Variants in PCDHGC3 observed in about 807,000 individuals in gnomAD.
PCDHGC3 encodes protocadherin gamma-C3.
In PCDHGC3, 26 loss-of-function variants were observed where a neutral mutation model predicts 59.2. The ratio of observed to expected loss-of-function variants is 0.44; its 90% confidence interval spans 0.32 to 0.61. PCDHGC3 has a LOEUF of 0.61. Ranked by LOEUF, PCDHGC3 falls within the 20% of genes least tolerant of loss-of-function variation. The pLI, the probability that PCDHGC3 is intolerant of heterozygous loss-of-function variation, is 0.05. For synonymous variants in PCDHGC3, 487 were observed against 519.7 expected (o/e 0.94, Z 0.86); for missense variants, 1,080 against 1,221.8 (o/e 0.88, Z 1.73).
In PCDHGC3 at chr5:141,501,176, T is replaced by C. The variant is rs917315609; in HGVS notation, c.2490-4217T>C. ...GCCACCATCCCCAGCCTCATTTACA[T>C]TTTAACACAATTAAATTCAGGGTGT... On this transcript the variant is annotated intron_variant, in intron 2 of 3. Coordinates refer to ENST00000308177, the MANE Select transcript of PCDHGC3 (RefSeq NM_002588.4). Among the ~76,000 whole-genome samples, 16 of 152,244 alleles carry C rather than the reference T, an allele frequency of 1.1e-4. No homozygotes were observed. In the South Asian group the frequency reaches 3.3e-3, roughly 32 times the overall value.
At chr5:141,478,574 C>T (rs2099465133) in intron 1 of PCDHGC3, 28 bp downstream of exon 1, 1 of 1,586,288 alleles carries the variant, frequency 6.3e-7, no homozygotes, top group Non-Finnish European at 8.6e-7. Flanking sequence ...ATGCTTGACC[C>T]TGTTAGTGCT....
chr5:141,502,866 C>CTT (rs549047197), intron 2 of PCDHGC3, among the ~76,000 whole-genome samples: 3 of 128,046 alleles, frequency 2.3e-5, no homozygotes, highest in Non-Finnish European at 3.2e-5. Flanking sequence ...GACTCTCTGT[C>CTT]TTTTTTTTTT....
At chr5:141,501,319 A>G (rs2099807834) in intron 2 of PCDHGC3, among the ~76,000 whole-genome samples, 1 of 151,710 alleles carries the variant, frequency 6.6e-6, no homozygotes, top group Non-Finnish European at 1.5e-5. Context: ...ACACACACAC[A>G]CACACACACA....
At position 141,489,072 on chromosome 5, in the gene PCDHGC3, A is replaced by AC; in HGVS notation, c.2431-5730dup. The AC allele has an allele frequency of 1.3e-5, 2 of 157,710 alleles. No homozygotes were observed. Among genetic ancestry groups the AC allele is most frequent in the Non-Finnish European group, 1.2e-5 (1 of 83,996 alleles). 9.8% of individuals were successfully genotyped at this position (157,710 alleles called of 1,614,324 possible). A position where few individuals can be genotyped will look rare whatever the true frequency, so the allele number is the denominator to read the frequency against. On this transcript the variant is annotated intron_variant, in intron 1 of 3. Transcript: ENST00000308177. This position sits in a 1 kb window ranked among gnomAD's most constrained non-coding sequence, Gnocchi z 4.5. The stretch of plus-strand genomic sequence containing the variant: ...AATTCAGCTCCCCTCCCCCCTGCCC[A>AC]CCCCCGCCACTCGGTGACTAAGAAC...
chr5:141,496,795 T>C (rs886559302), intron 2 of PCDHGC3, among the ~76,000 whole-genome samples: 27 of 151,976 alleles, frequency 1.8e-4, no homozygotes, highest in Middle Eastern at 3.4e-3. Flanking sequence ...GTGCTAAACA[T>C]TGGGCTATAG....
rs756915110 is a variant in PCDHGC3, at chr5:141,490,431, T to C, written c.2431-4376T>C. 6 of 1,614,036 alleles carry C rather than the reference T, an allele frequency of 3.7e-6. No individual in the cohort carries two copies. In the South Asian group the frequency reaches 6.6e-5, roughly 18 times the overall value. ...TCTCTCCGGACCTGCCATTTCAGATTAAGCCTTCTGAGAACCACTACTCGC... is the reference window on the plus strand; with the variant it reads ...TCTCTCCGGACCTGCCATTTCAGATCAAGCCTTCTGAGAACCACTACTCGC... On this transcript the variant is annotated intron_variant, in intron 1 of 3. Transcript: ENST00000308177. The surrounding 1 kb of genome is among the most constrained non-coding windows in gnomAD (Gnocchi z 5.4).
intron 2 of PCDHGC3, among the ~76,000 whole-genome samples, chr5:141,495,758 C>T (rs2099763543): frequency 6.6e-6 from 1 of 152,122 alleles, no homozygotes; most frequent in Non-Finnish European, 1.5e-5. Flanking sequence ...ATCTCTGCCT[C>T]CCTGTCCTTG....
chr5:141,476,421 C>G lies in PCDHGC3; in HGVS notation c.305C>G (p.Pro102Arg). 1 of 1,614,026 alleles carries G rather than the reference C, an allele frequency of 6.2e-7. No homozygotes were observed. Among genetic ancestry groups the G allele is most frequent in the South Asian group, 1.1e-5 (1 of 91,066 alleles). The change falls in exon 1 of 4, where the codon CCC becomes CGC. Residue 102 changes from proline (P) to arginine (R), a missense_variant. Pro to Arg is a moderately radical substitution (Grantham distance 103, BLOSUM62 -2). Transcript: ENST00000308177. The surrounding 1 kb of genome is among the most constrained non-coding windows in gnomAD (Gnocchi z 7.6). ...LDREELCGTLPSCTVTLELVV... is the reference protein window; with the variant it reads ...LDREELCGTLRSCTVTLELVV... ...CGAGAGGAGCTGTGTGGGACACTGC[C>G]CTCTTGCACTGTAACTCTGGAGTTG...
At position 141,476,477 on chromosome 5, in the gene PCDHGC3, G is replaced by A; in HGVS notation, c.361G>A (p.Val121Met). 1.2e-6 allele frequency: 2 copies of A among 1,614,078 alleles called. No individual in the cohort carries two copies. Among genetic ancestry groups the A allele is most frequent in the South Asian group, 1.1e-5 (1 of 91,070 alleles). ...GGAGAACCCGCTGGAGCTGTTCAGC[G>A]TGGAAGTGGTGATCCAGGACATCAA... ...VVENPLELFS[V>M]EVVIQDINDN... The change falls in exon 1 of 4, where the codon GTG becomes ATG. Residue 121 changes from valine (V) to methionine (M), a missense_variant. By Grantham distance (21) the Val-to-Met change is conservative. Transcript: ENST00000308177. This position sits in a 1 kb window ranked among gnomAD's most constrained non-coding sequence, Gnocchi z 7.6.
At position 141,485,320 on chromosome 5, in the gene PCDHGC3, T is replaced by G; in HGVS notation, c.2430+6774T>G. The G allele has an allele frequency of 6.2e-7, 1 of 1,614,114 alleles. No individual in the cohort carries two copies. The highest frequency in any genetic ancestry group is 8.5e-7 in the Non-Finnish European group (1 of 1,180,018). ...AAGGGACTTTTGTAGGGAATGTCGC[T>G]CAAGATTTCCTGCTGGATACGGACA... is the stretch of plus-strand genomic sequence containing the variant. On this transcript the variant is annotated intron_variant, in intron 1 of 3. Transcript: ENST00000308177. The surrounding 1 kb of genome is among the most constrained non-coding windows in gnomAD (Gnocchi z 5.7).
In PCDHGC3 at chr5:141,477,877, C is replaced by A; in HGVS notation, c.1761C>A (p.Gly587=). 1 of 1,614,170 alleles carries A rather than the reference C, an allele frequency of 6.2e-7. No homozygotes were observed. The highest frequency in any genetic ancestry group is 8.5e-7 in the Non-Finnish European group (1 of 1,180,036). Residue 587 remains glycine, a synonymous_variant, in exon 1 of 4, where the codon GGC becomes GGA. Transcript: ENST00000308177. This position sits in a 1 kb window ranked among gnomAD's most constrained non-coding sequence, Gnocchi z 4.9. The part of the protein sequence containing the change: ...VEMLPRGTSA[G]HLVSRVVGWD... The stretch of plus-strand genomic sequence containing the variant: ...TGCTGCCTCGAGGTACCTCAGCTGG[C>A]CACCTAGTGTCACGGGTGGTAGGCT...
In PCDHGC3 at chr5:141,493,233, G is replaced by T. The variant is rs1335823475; in HGVS notation, c.2431-1574G>T. ...TTTGCTCTTCCCACCATTGCTGTTG[G>T]CTAGGTACTAACATGCCTCTCTTAT... is the stretch of plus-strand genomic sequence containing the variant. On this transcript the variant is annotated intron_variant, in intron 1 of 3. Coordinates refer to ENST00000308177, the MANE Select transcript of PCDHGC3 (RefSeq NM_002588.4). This position sits in a 1 kb window ranked among gnomAD's most constrained non-coding sequence, Gnocchi z 4.3. 6.6e-6 allele frequency among the ~76,000 whole-genome samples: 1 copy of T among 152,172 alleles called. No homozygotes were observed. The highest frequency in any genetic ancestry group is 2.1e-4 in the South Asian group (1 of 4,828).
Position 141,478,545 on chromosome 5 carries a change from A to T in PCDHGC3, c.2429A>T (p.Gln810Leu). 1 of 1,605,606 alleles carries T rather than the reference A, an allele frequency of 6.2e-7. No homozygotes were observed. Among genetic ancestry groups the T allele is most frequent in the Admixed American group, 1.7e-5 (1 of 57,956 alleles). ...VLGAESAPPG[Q>L]QAPPNTDWRF... ...GGTGCAGAGAGCGCCCCTCCCGGAC[A>T]GGTAAGGTTTAGCAAGTCATGCTTG... is the stretch of plus-strand genomic sequence containing the variant. Residue 810 changes from glutamine (Q) to leucine (L), a missense_variant and splice_region_variant, in exon 1 of 4, where the codon CAG becomes CTG. Transcript: ENST00000308177.
intron 2 of PCDHGC3, among the ~76,000 whole-genome samples, chr5:141,501,015 C>T (rs950216755): frequency 6.6e-5 from 10 of 151,866 alleles, no homozygotes; most frequent in African/African-American, 2.4e-4. Context: ...ACTACAGGCA[C>T]GCGCCACCAC....
In PCDHGC3 at chr5:141,487,636, AC is replaced by A. The variant is rs1562120737; in HGVS notation, c.2431-7170del. On this transcript the variant is annotated intron_variant, in intron 1 of 3. Coordinates refer to ENST00000308177, the MANE Select transcript of PCDHGC3 (RefSeq NM_002588.4). The surrounding 1 kb of genome is among the most constrained non-coding windows in gnomAD (Gnocchi z 5.0). ...TAGAGGTGAGACCTTTGCAGGCTCA[AC>A]AAATGCTTGAGGGTTATTCTGATCC... 1 of 1,614,192 alleles carries A rather than the reference AC, an allele frequency of 6.2e-7. No individual in the cohort carries two copies. The highest frequency in any genetic ancestry group is 2.2e-5 in the East Asian group (1 of 44,886).
intron 1 of PCDHGC3, 148 bp downstream of exon 1, chr5:141,478,694 T>G: frequency 1.3e-6 from 2 of 1,550,598 alleles, no homozygotes; most frequent in Non-Finnish European, 1.7e-6. Context: ...TAGATCAAAG[T>G]TAGTGCCTTT....
intron 1 of PCDHGC3, among the ~76,000 whole-genome samples, chr5:141,492,632 C>T (rs1359761285): frequency 1.3e-5 from 2 of 152,256 alleles, no homozygotes; most frequent in Admixed American, 1.3e-4. Context: ...CAGGACTCTA[C>T]GATCCTTGGG....
At position 141,489,515 on chromosome 5, in the gene PCDHGC3, G is replaced by T; in HGVS notation, c.2431-5292G>T. ...CTGGCAGTGAATCAAAAGATTGACC[G>T]AGAAAGCCTATGTGGAGCCAGCACC... On this transcript the variant is annotated intron_variant, in intron 1 of 3. Coordinates refer to ENST00000308177, the MANE Select transcript of PCDHGC3 (RefSeq NM_002588.4). This position sits in a 1 kb window ranked among gnomAD's most constrained non-coding sequence, Gnocchi z 4.5. 4.3e-6 allele frequency: 7 copies of T among 1,614,104 alleles called. No individual in the cohort carries two copies. Among genetic ancestry groups the T allele is most frequent in the Non-Finnish European group, 5.9e-6 (7 of 1,180,034 alleles).
chr5:141,489,425 G>A lies in PCDHGC3; in HGVS notation c.2431-5382G>A, dbSNP rs779739693. 18 of 1,614,000 alleles carry A rather than the reference G, an allele frequency of 1.1e-5. No homozygotes were observed. Among genetic ancestry groups the A allele is most frequent in the South Asian group, 5.5e-5 (5 of 91,074 alleles). The stretch of plus-strand genomic sequence containing the variant: ...TTAAAGATGACAGATCTGTTGAGCC[G>A]GCGGCTGCAATTGGGCTCTGAGGAG... On this transcript the variant is annotated intron_variant, in intron 1 of 3. Transcript: ENST00000308177. This position sits in a 1 kb window ranked among gnomAD's most constrained non-coding sequence, Gnocchi z 4.5.
Sources: allele counts gnomAD v4.1 joint callset (sites outside exome capture counted in the v4.1 genomes callset), GRCh38; gene constraint gnomAD v4.1.1; non-coding constraint Gnocchi (gnomAD v3.1); transcripts MANE v1.5; gene names NCBI Gene and HGNC (gene_info 2026-07-23, HGNC 2026-07-21).